The following GBA1 variants were observed in gnomAD, a reference collection of about 807,000 sequenced individuals.
GBA1 encodes lysosomal acid glucosylceramidase.
chr1:155,236,558 C>CG, the GBA1 span: 1 of 1,042,288 alleles, frequency 9.6e-7, no homozygotes. Context: ...AGTTGGGTGA[C>CG]GGGAAGAATG....
At chr1:155,240,012 A>T in the GBA1 span, 2 of 1,614,042 alleles carry the variant, frequency 1.2e-6, no homozygotes, top group South Asian at 2.2e-5. Flanking sequence ...GAGTCACAGT[A>T]TGTGGCATTG....
the GBA1 span, chr1:155,239,756 A>G: frequency 5.6e-6 from 9 of 1,614,056 alleles, no homozygotes; most frequent in South Asian, 1.1e-5. Context: ...CAGGGTCAGT[A>G]GCAGGCCTGA....
chr1:155,237,941 G>A, the GBA1 span: 1 of 685,572 alleles, frequency 1.5e-6, no homozygotes, highest in Admixed American at 2.9e-5. Flanking sequence ...AAGAAAGTGG[G>A]CCAGACCGAG....
At chr1:155,236,532 G>C in the GBA1 span, 1 of 1,329,942 alleles carries the variant, frequency 7.5e-7, no homozygotes, top group Non-Finnish European at 1.1e-6. Flanking sequence ...TCTAGTTCCT[G>C]TTGTAGGAAT....
At chr1:155,242,781 T>C in the GBA1 span, among the ~76,000 whole-genome samples, 4 of 151,964 alleles carry the variant, frequency 2.6e-5, no homozygotes, top group Non-Finnish European at 5.9e-5. Flanking sequence ...TTAGTAGAGA[T>C]GGGGTTTCAC....
chr1:155,237,497 A>G, the GBA1 span: 1 of 1,613,912 alleles, frequency 6.2e-7, no homozygotes, highest in Non-Finnish European at 8.5e-7. Flanking sequence ...AGGGGTATCC[A>G]CTCAACAGCC....
the GBA1 span, chr1:155,239,489 C>G: frequency 9.9e-7 from 1 of 1,008,684 alleles, no homozygotes; most frequent in African/African-American, 1.6e-5. Context: ...GGAGATCACA[C>G]CACTGCACTC....
chr1:155,237,764 T>C, the GBA1 span, among the ~76,000 whole-genome samples: 1 of 151,900 alleles, frequency 6.6e-6, no homozygotes, highest in African/African-American at 2.4e-5. Flanking sequence ...CAGCTGGGCC[T>C]GGTGGCAGGC....
the GBA1 span, chr1:155,237,422 G>A: frequency 1.2e-5 from 19 of 1,613,856 alleles, no homozygotes; most frequent in Non-Finnish European, 1.6e-5. Context: ...TGTTGGCGAG[G>A]GTAGGACCTA....
the GBA1 span, chr1:155,236,213 G>C: frequency 4.0e-5 from 63 of 1,573,974 alleles, no homozygotes; most frequent in East Asian, 1.3e-4. Context: ...TCTGAGGTCT[G>C]CTTTGCAGGA....
chr1:155,239,898 G>T, the GBA1 span: 1 of 1,614,114 alleles, frequency 6.2e-7, no homozygotes, highest in Non-Finnish European at 8.5e-7. Context: ...GTGCCCGTGT[G>T]ATTAGCCTGG....
At chr1:155,243,057 G>A in the GBA1 span, among the ~76,000 whole-genome samples, 2 of 152,218 alleles carry the variant, frequency 1.3e-5, no homozygotes, top group African/African-American at 4.8e-5. Flanking sequence ...TGAGGTTTGA[G>A]TGTGATAATG....
chr1:155,238,968 C>G, the GBA1 span: 9 of 381,430 alleles, frequency 2.4e-5, no homozygotes, highest in Non-Finnish European at 4.0e-5. Flanking sequence ...CATGTAATCC[C>G]AGCACTTTGG....
At chr1:155,240,509 C>T in the GBA1 span, 1 of 847,236 alleles carries the variant, frequency 1.2e-6, no homozygotes, top group Non-Finnish European at 2.0e-6. Context: ...GTCTCAGTCA[C>T]TCAAAAGGAT....
chr1:155,237,593 G>T, the GBA1 span: 3 of 1,612,998 alleles, frequency 1.9e-6, no homozygotes, highest in Non-Finnish European at 1.7e-6. Flanking sequence ...CAAGAGAAAG[G>T]TCATGAATGA....
At chr1:155,237,616 A>T in the GBA1 span, 213 of 1,610,830 alleles carry the variant, frequency 1.3e-4, no homozygotes, top group Non-Finnish European at 1.7e-4. Context: ...CGGCCAAGAA[A>T]GTGGACCAGA....
At chr1:155,240,726 A>G in the GBA1 span, 3 of 1,608,072 alleles carry the variant, frequency 1.9e-6, no homozygotes, top group East Asian at 6.7e-5. Flanking sequence ...TCCTGAGGAC[A>G]GAATGAGGAA....
chr1:155,238,877 A>C, the GBA1 span: 4 of 611,862 alleles, frequency 6.5e-6, no homozygotes. Context: ...TTCACAGGGC[A>C]TTAAAACAGG....
chr1:155,235,540 T>G, the GBA1 span: 16 of 1,106,574 alleles, frequency 1.4e-5, no homozygotes, highest in Non-Finnish European at 2.0e-5. Flanking sequence ...GCCTCCATGG[T>G]GCAAAAGGGG....
Sources: allele counts gnomAD v4.1 joint callset (sites outside exome capture counted in the v4.1 genomes callset), GRCh38; gene constraint gnomAD v4.1.1; transcripts MANE v1.5; gene names NCBI Gene and HGNC (gene_info 2026-07-23, HGNC 2026-07-21).